The following ITIH6 variants were observed in gnomAD, a reference collection of about 807,000 sequenced individuals.
The protein encoded by ITIH6 is inter-alpha-trypsin inhibitor heavy chain H6.
ITIH6 carries 60 observed loss-of-function variants against 58.2 expected under a neutral mutation model. The ratio of observed to expected loss-of-function variants is 1.03; its 90% confidence interval spans 0.84 to 1.28. ITIH6 has a LOEUF of 1.28. Ranked by LOEUF, ITIH6 falls within the 50% of genes most tolerant of loss-of-function variation. ITIH6 has a pLI of 0.00. For missense variants in ITIH6, 1,290 were observed against 1,021.1 expected, an observed-to-expected ratio of 1.26 and a Z score of -3.59; for synonymous variants, 493 against 417.4, an observed-to-expected ratio of 1.18 and a Z score of -2.21.
At chrX:54,788,407 C>T in intron 5 of ITIH6, 73 bp downstream of exon 5, 1 of 941,702 alleles carries the variant, frequency 1.1e-6, no homozygotes, top group Non-Finnish European at 1.5e-6. Context: ...GTGTGAACAG[C>T]TGGAGAGGCC....
At chrX:54,762,843 T>A (rs767589183) in intron 6 of ITIH6, among the ~76,000 whole-genome samples, 1 of 112,043 alleles carries the variant, frequency 8.9e-6, no homozygotes, top group East Asian at 2.8e-4. Context: ...GGGAATAGAG[T>A]GTGTAGGATC....
intron 6 of ITIH6, among the ~76,000 whole-genome samples, chrX:54,760,663 C>T (rs997595310): frequency 9.0e-6 from 1 of 111,170 alleles, no homozygotes; most frequent in Non-Finnish European, 1.9e-5. Flanking sequence ...GTTCAATTCC[C>T]ACCTATGAGT....
chrX:54,757,675 T>C lies in ITIH6; in HGVS notation c.2399A>G (p.Gln800Arg). The stretch of plus-strand genomic sequence containing the variant: ...TGACTGTGGCAGGCCTTTAGGTGCC[T>C]GTGATGTGAGTGCCCCAAGTTGGGG... ...SHPQLGALTS[Q>R]APKGLPQSRP... The change falls in exon 8 of 13, where the codon CAG (glutamine) becomes CGG (arginine). Residue 800 changes from glutamine to arginine, a missense_variant. Transcript: ENST00000218436. The C allele has an allele frequency of 8.3e-7, 1 of 1,211,119 alleles. No individual in the cohort carries two copies. The highest frequency in any genetic ancestry group is 1.1e-6 in the Non-Finnish European group (1 of 895,103).
intron 5 of ITIH6, among the ~76,000 whole-genome samples, chrX:54,777,072 C>G (rs1266136370): frequency 8.9e-6 from 1 of 112,125 alleles, no homozygotes; most frequent in Non-Finnish European, 1.9e-5. Context: ...GAAGAGCCTA[C>G]TGCCCTGAAA....
rs1490507966 is a variant in ITIH6 at position 54,764,557 on chromosome X, A to G, written c.904-4630T>C. Among the ~76,000 whole-genome samples the G allele has an allele frequency of 1.7e-4, 18 of 105,305 alleles. No individual in the cohort carries two copies. In the East Asian group the frequency reaches 2.4e-3, roughly 14 times the overall value. 91.4% of individuals were successfully genotyped at this position (105,305 alleles called of 115,157 possible). A position where few individuals can be genotyped will look rare whatever the true frequency, so the allele number is the denominator to read the frequency against. Reference sequence around the variant, plus strand: ...AGTTTACTGAGAATGATGGTTTCCAATTTCATCCATGTCCCTACAAAGGAC... The same window carrying G: ...AGTTTACTGAGAATGATGGTTTCCAGTTTCATCCATGTCCCTACAAAGGAC... On this transcript the variant is annotated intron_variant, in intron 6 of 12. Coordinates refer to ENST00000218436, the MANE Select transcript of ITIH6 (RefSeq NM_198510.3).
intron 6 of ITIH6, among the ~76,000 whole-genome samples, chrX:54,764,119 T>C (rs1602054801): frequency 8.9e-6 from 1 of 111,856 alleles, no homozygotes; most frequent in African/African-American, 3.2e-5. Flanking sequence ...CAACCTACAA[T>C]TGGGTCTTAT....
In ITIH6 at chrX:54,759,004, T is replaced by G; in HGVS notation, c.1076-6A>C. 2 of 1,126,367 alleles carry G rather than the reference T, an allele frequency of 1.8e-6. No individual in the cohort carries two copies. Among genetic ancestry groups the G allele is most frequent in the Non-Finnish European group, 2.4e-6 (2 of 845,767 alleles). 92.8% of individuals were successfully genotyped at this position (1,126,367 alleles called of 1,213,427 possible). The stretch of plus-strand genomic sequence containing the variant: ...AGCTGAGTTGACGTCTGTCCCTAAT[T>G]GGGGAATAGATTGTGAGACCATCTT... On this transcript the variant is annotated splice_region_variant and splice_polypyrimidine_tract_variant and intron_variant, in intron 7 of 12. Transcript: ENST00000218436.
intron 12 of ITIH6, among the ~76,000 whole-genome samples, chrX:54,750,772 C>T (rs902508439): frequency 9.0e-6 from 1 of 111,659 alleles, no homozygotes; most frequent in African/African-American, 3.3e-5. Context: ...GGGCAAATTC[C>T]CCCACTCTGG....
intron 2 of ITIH6, among the ~76,000 whole-genome samples, chrX:54,796,408 G>A (rs1250201872): frequency 8.0e-5 from 9 of 112,111 alleles, no homozygotes; most frequent in African/African-American, 2.3e-4. Flanking sequence ...AGTTCTGGCC[G>A]GGTGTGGTGG....
rs759426881 is a variant in ITIH6, at chrX:54,759,749, C to T, written c.1075+7G>A. 8.3e-7 allele frequency: 1 copy of T among 1,200,434 alleles called. No individual in the cohort carries two copies. The highest frequency in any genetic ancestry group is 1.8e-5 in the South Asian group (1 of 54,729). On this transcript the variant is annotated splice_region_variant and intron_variant, in intron 7 of 12. Transcript: ENST00000218436. ...TGCCCATTTGGGTGGGTAGATCTAA[C>T]ACTTACAGCCATCGGCTTCCATGCA...
At position 54,751,325 on chromosome X, in the gene ITIH6, G is replaced by A. The variant is rs1928355663; in HGVS notation, c.3408C>T (p.Asp1136=). 4 of 1,212,008 alleles carry A rather than the reference G, an allele frequency of 3.3e-6. No individual in the cohort carries two copies. In the East Asian group the frequency reaches 1.2e-4, roughly 36 times the overall value. ...TGATCTGGAAGTAGGTGCGAGTCTG[G>A]TCCTTGTGGCCCGGCCTTGGTGGTG... The part of the protein sequence containing the change: ...LGAPPRPGHK[D]QTRTYFQIIT... The change falls in exon 12 of 13, where the codon GAC becomes GAT. Residue 1136 remains aspartate (D), a synonymous_variant. Transcript: ENST00000218436.
chrX:54,766,704 T>C (rs1471949976), intron 6 of ITIH6, among the ~76,000 whole-genome samples: 2 of 96,354 alleles, frequency 2.1e-5, no homozygotes, highest in Non-Finnish European at 4.0e-5. Flanking sequence ...TTGATTTGCG[T>C]ATATTGAACC....
intron 8 of ITIH6, among the ~76,000 whole-genome samples, chrX:54,755,371 G>A (rs1928465436): frequency 8.9e-6 from 1 of 112,544 alleles, no homozygotes; most frequent in Non-Finnish European, 1.9e-5. Context: ...GTATATGGTG[G>A]TGAAAAATAA....
At position 54,758,635 on chromosome X, in the gene ITIH6, T is replaced by C; in HGVS notation, c.1439A>G (p.Asn480Ser). The change falls in exon 8 of 13, where the codon AAC becomes AGC. Residue 480 changes from asparagine (N) to serine (S), a missense_variant. Coordinates refer to ENST00000218436, the MANE Select transcript of ITIH6 (RefSeq NM_198510.3). ...SMPLLADVRL[N>S]YLGGLVGASP... ...GGCCCCAACCAAGCCACCCAGGTAG[T>C]TCAGACGCACATCTGCCAGCAGAGG... The C allele has an allele frequency of 8.3e-7, 1 of 1,211,713 alleles. No homozygotes were observed. Among genetic ancestry groups the C allele is most frequent in the Non-Finnish European group, 1.1e-6 (1 of 895,476 alleles).
chrX:54,791,504 A>C (rs1929348042), intron 3 of ITIH6, among the ~76,000 whole-genome samples: 1 of 110,862 alleles, frequency 9.0e-6, no homozygotes, highest in Non-Finnish European at 1.9e-5. Context: ...TATGGCAGTA[A>C]CTCAGTTTGC....
chrX:54,778,997 A>C (rs1929102717), intron 5 of ITIH6, among the ~76,000 whole-genome samples: 1 of 112,424 alleles, frequency 8.9e-6, no homozygotes, highest in African/African-American at 3.2e-5. Context: ...ATGCTGAAGG[A>C]AAAAACTACT....
intron 12 of ITIH6, among the ~76,000 whole-genome samples, chrX:54,750,549 G>A (rs944402382): frequency 9.0e-6 from 1 of 111,565 alleles, no homozygotes; most frequent in African/African-American, 3.3e-5. Flanking sequence ...GTAACACCCA[G>A]ATATGACTGT....
intron 5 of ITIH6, among the ~76,000 whole-genome samples, chrX:54,786,099 C>A (rs1269346086): frequency 6.2e-5 from 7 of 112,210 alleles, no homozygotes; most frequent in Non-Finnish European, 1.1e-4. Flanking sequence ...CGTTGTACTG[C>A]CCCCACGTGG....
chrX:54,758,979 A>T lies in ITIH6; in HGVS notation c.1095T>A (p.Ala365=), dbSNP rs780585463. 8.5e-6 allele frequency: 10 copies of T among 1,170,729 alleles called. No homozygotes were observed. The Admixed American group carries it at 2.4e-4, about 28-fold the overall frequency. The part of the protein sequence containing the change: ...EADGWTDVNS[A]LLAAASVLNH... ...TCAGCACTGAAGCAGCTGCCAGCAG[A>T]GCTGAGTTGACGTCTGTCCCTAATT... The change falls in exon 8 of 13, where the codon GCT becomes GCA. Residue 365 remains alanine (A), a synonymous_variant. Coordinates refer to ENST00000218436, the MANE Select transcript of ITIH6 (RefSeq NM_198510.3).
Sources: gnomAD v4.1 joint callset for allele counts (sites outside exome capture counted in the v4.1 genomes callset) on GRCh38, gnomAD v4.1.1 for gene constraint, MANE v1.5 for transcripts, NCBI Gene and HGNC (gene_info 2026-07-23, HGNC 2026-07-21) for gene names.